The following DNAH8 variants were observed in gnomAD, a reference collection of about 807,000 sequenced individuals.
DNAH8 encodes axonemal beta dynein heavy chain 8.
DNAH8 carries 382 observed loss-of-function variants against 562.1 expected under a neutral mutation model. The observed-to-expected ratio is 0.68, with a 90% CI of 0.63 to 0.74. The LOEUF (loss-of-function observed/expected upper bound fraction) is 0.74, where lower values mean the gene tolerates loss of function less well. DNAH8 is among the 30% of genes least tolerant of loss of function. The pLI is 0.00. For missense variants in DNAH8, 5,203 were observed against 5,620.4 expected (o/e 0.93, Z 2.37); for synonymous variants, 1,881 against 1,919.4 (o/e 0.98, Z 0.52).
intron 21 of DNAH8, 81 bp downstream of exon 21, chr6:38,791,755 A>T (rs2127657751): frequency 1.4e-6 from 2 of 1,466,680 alleles, no homozygotes; most frequent in Middle Eastern, 1.8e-4. Flanking sequence ...CTAAAAGTAG[A>T]AACCTGGGTC....
At chr6:38,918,829 C>CCCAA (rs1475677375) in intron 70 of DNAH8, among the ~76,000 whole-genome samples, 1 of 152,032 alleles carries the variant, frequency 6.6e-6, no homozygotes, top group Non-Finnish European at 1.5e-5. Context: ...AATCTCCCAC[C>CCCAA]CCAACAAAGC....
At position 38,778,457 on chromosome 6, in the gene DNAH8, C is replaced by T. The variant is rs1768271344; in HGVS notation, c.2032C>T (p.Leu678Phe). Residue 678 changes from leucine (L) to phenylalanine (F), a missense_variant, in exon 14 of 93, where the codon CTT becomes TTT. Around this residue, in one of 6 missense-constraint regions of DNAH8, gnomAD observed 2,176 missense variants for 2,365.1 expected, o/e 0.92. Coordinates refer to ENST00000327475, the MANE Select transcript of DNAH8 (RefSeq NM_001206927.2). ...ILSSQQALQL[L>F]QRFQKLNIPC... ...ATCTTCTCAGCAGGCTCTTCAGCTA[C>T]TTCAAAGGTATTCATAACACTTTAA... is the stretch of plus-strand genomic sequence containing the variant. 1 of 1,583,234 alleles carries T rather than the reference C, an allele frequency of 6.3e-7. No homozygotes were observed. The highest frequency in any genetic ancestry group is 1.1e-5 in the South Asian group (1 of 89,102).
In DNAH8 at chr6:38,911,243, G is replaced by C. The variant is rs532238723; in HGVS notation, c.9741-225G>C. ...ATTCTTTTCTCTATTTTCCAGATGA[G>C]GAAACAGAGTTGGAGTTAAGGGTGA... On this transcript the variant is annotated intron_variant, in intron 65 of 92. Transcript: ENST00000327475. Among the ~76,000 whole-genome samples the C allele has an allele frequency of 2.0e-5, 3 of 152,306 alleles. No homozygotes were observed. The East Asian group carries it at 5.8e-4, about 29-fold the overall frequency.
Position 38,858,020 on chromosome 6 carries a change from G to A in DNAH8, c.5958+278G>A, listed in dbSNP as rs540640083. 5.3e-5 allele frequency among the ~76,000 whole-genome samples: 8 copies of A among 152,280 alleles called. No individual in the cohort carries two copies. The East Asian group carries it at 9.6e-4, about 18-fold the overall frequency. ...TAACCAGGAACATGATATAATTTAG[G>A]TCATAAGCTATGCTGGGTCGATTGG... On this transcript the variant is annotated intron_variant, in intron 42 of 92. Coordinates refer to ENST00000327475, the MANE Select transcript of DNAH8 (RefSeq NM_001206927.2).
intron 82 of DNAH8, among the ~76,000 whole-genome samples, chr6:38,958,126 C>CT (rs1464736486): frequency 1.3e-5 from 2 of 151,534 alleles, no homozygotes; most frequent in Non-Finnish European, 2.9e-5. Context: ...CTCAGCCTCC[C>CT]GAGTAGCTGG....
Position 38,929,556 on chromosome 6 carries a change from A to C in DNAH8, c.11164A>C (p.Ser3722Arg). 1 of 1,613,310 alleles carries C rather than the reference A, an allele frequency of 6.2e-7. No individual in the cohort carries two copies. The highest frequency in any genetic ancestry group is 8.5e-7 in the Non-Finnish European group (1 of 1,179,482). The change falls in exon 75 of 93, where the codon AGC (serine) becomes CGC (arginine). Residue 3722 changes from serine to arginine, a missense_variant. This residue lies in a region of DNAH8 where 1,399 missense variants were observed against 1,518.4 expected (regional missense o/e 0.92). Coordinates refer to ENST00000327475, the MANE Select transcript of DNAH8 (RefSeq NM_001206927.2). ...HKYFRTHLED[S>R]LSLGRPLLIE... ...ATATTTTCGCACACACTTGGAGGAC[A>C]GCCTTTCCTTGGGCCGACCCCTTCT...
chr6:38,914,532 A>T, intron 67 of DNAH8, among the ~76,000 whole-genome samples: 1 of 145,868 alleles, frequency 6.9e-6, no homozygotes, highest in Middle Eastern at 3.9e-3. Context: ...TTGTATTTTT[A>T]GTAGAGACGG....
chr6:38,979,155 C>T (rs1294298914), intron 85 of DNAH8, among the ~76,000 whole-genome samples: 2 of 152,238 alleles, frequency 1.3e-5, no homozygotes, highest in Non-Finnish European at 2.9e-5. Context: ...CTCTTCTCTC[C>T]TCCTTGTAAA....
intron 53 of DNAH8, among the ~76,000 whole-genome samples, chr6:38,881,614 C>A (rs956816165): frequency 6.7e-6 from 1 of 149,206 alleles, no homozygotes; most frequent in African/African-American, 2.5e-5. Flanking sequence ...TGCAATGGCG[C>A]GATCTTGGCT....
In DNAH8 at chr6:38,917,424, T is replaced by C; in HGVS notation, c.10308+18T>C. The C allele has an allele frequency of 6.2e-7, 1 of 1,607,880 alleles. No homozygotes were observed. The highest frequency in any genetic ancestry group is 8.5e-7 in the Non-Finnish European group (1 of 1,175,858). Reference sequence around the variant, plus strand: ...CATTAAAGGTAAGTAAAATCTATCATTGTCAATCCTATGAGCTGCATCAGG... The same window carrying C: ...CATTAAAGGTAAGTAAAATCTATCACTGTCAATCCTATGAGCTGCATCAGG... On this transcript the variant is annotated intron_variant, in intron 69 of 92. Coordinates refer to ENST00000327475, the MANE Select transcript of DNAH8 (RefSeq NM_001206927.2).
rs377254876 is a variant in DNAH8 at position 38,874,068 on chromosome 6, T to TTCTTTTTCTTTCTTTCTTTCTTTCTTTC, written c.7620+693_7620+694insCTTTTTCTTTCTTTCTTTCTTTCTTTCT. Among the ~76,000 whole-genome samples the TTCTTTTTCTTTCTTTCTTTCTTTCTTTC allele has an allele frequency of 1.6e-3, 94 of 57,076 alleles. 21 individuals are homozygous for TTCTTTTTCTTTCTTTCTTTCTTTCTTTC. The highest frequency in any genetic ancestry group is 2.8e-3 in the Non-Finnish European group (80 of 28,482). 37.4% of individuals were successfully genotyped at this position (57,076 alleles called of 152,430 possible). On this transcript the variant is annotated intron_variant, in intron 52 of 92. Transcript: ENST00000327475. ...TTTCTTTCTTTCTTTCTTTCTTTCT[T>TTCTTTTTCTTTCTTTCTTTCTTTCTTTC]TTTCTTTCTTTCTTTCTTTCTTTCT...
intron 10 of DNAH8, among the ~76,000 whole-genome samples, chr6:38,756,627 G>A (rs923413786): frequency 4.0e-5 from 6 of 151,468 alleles, no homozygotes; most frequent in East Asian, 3.9e-4. Flanking sequence ...CCATTAACTC[G>A]TCATTTAACA....
Position 38,842,820 on chromosome 6 carries a change from A to T in DNAH8, c.4762A>T (p.Thr1588Ser). 4 of 1,613,932 alleles carry T rather than the reference A, an allele frequency of 2.5e-6. No homozygotes were observed. Among genetic ancestry groups the T allele is most frequent in the Non-Finnish European group, 3.4e-6 (4 of 1,179,884 alleles). The stretch of plus-strand genomic sequence containing the variant: ...GGATAGAATCTCCGAGTTAACTGGA[A>T]CCCCATTTGATGTGGAATCTGATTC... ...HWDRISELTG[T>S]PFDVESDSFC... Residue 1588 changes from threonine (T) to serine (S), a missense_variant, in exon 35 of 93, where the codon ACC becomes TCC. Transcript: ENST00000327475.
In DNAH8 at chr6:38,951,319, T is replaced by A; in HGVS notation, c.12250T>A (p.Ser4084Thr). The A allele has an allele frequency of 6.2e-7, 1 of 1,613,882 alleles. No individual in the cohort carries two copies. Among genetic ancestry groups the A allele is most frequent in the Non-Finnish European group, 8.5e-7 (1 of 1,179,818 alleles). Residue 4084 changes from serine to threonine, a missense_variant and splice_region_variant, in exon 82 of 93, where the codon TCT becomes ACT. Ser to Thr is a moderately conservative substitution (Grantham distance 58). Coordinates refer to ENST00000327475, the MANE Select transcript of DNAH8 (RefSeq NM_001206927.2). Reference sequence around the variant, plus strand: ...CGCCTAACTTGTATTCATTTTTAGGTCTTGGTGCCCAGACCGTACTGTTTT... The same window carrying A: ...CGCCTAACTTGTATTCATTTTTAGGACTTGGTGCCCAGACCGTACTGTTTT... Reference protein sequence around the residue: ...DTCHKLLLIRSWCPDRTVFQA... With the variant: ...DTCHKLLLIRTWCPDRTVFQA...
At chr6:38,720,213 A>T (rs1762638411) in intron 1 of DNAH8, among the ~76,000 whole-genome samples, 1 of 152,176 alleles carries the variant, frequency 6.6e-6, no homozygotes, top group South Asian at 2.1e-4. Flanking sequence ...TCTTGCCTCA[A>T]ACCACAGGAA....
At position 38,814,109 on chromosome 6, in the gene DNAH8, C is replaced by A; in HGVS notation, c.3313C>A (p.His1105Asn). ...TATTTCCTTTATAAAAAGTGAAGTA[C>A]ATCTTGCAATTCCTAATGTGGTAAG... ...DIISFIKSEV[H>N]LAIPNVVMIP... is the part of the protein sequence containing the mutation. The change falls in exon 25 of 93, where the codon CAT (histidine) becomes AAT (asparagine). Residue 1105 changes from histidine (H) to asparagine (N), a missense_variant. This residue lies in a region of DNAH8 where 2,176 missense variants were observed against 2,365.1 expected (regional missense o/e 0.92). Transcript: ENST00000327475. 1 of 1,569,472 alleles carries A rather than the reference C, an allele frequency of 6.4e-7. No individual in the cohort carries two copies. The highest frequency in any genetic ancestry group is 8.8e-7 in the Non-Finnish European group (1 of 1,141,296).
intron 26 of DNAH8, among the ~76,000 whole-genome samples, chr6:38,819,800 C>A (rs1292963722): frequency 6.6e-6 from 1 of 151,992 alleles, no homozygotes; most frequent in Non-Finnish European, 1.5e-5. Flanking sequence ...GATCAACATA[C>A]AAAACCCCCA....
At chr6:38,841,572 C>T (rs1427563309) in intron 33 of DNAH8, among the ~76,000 whole-genome samples, 1 of 152,152 alleles carries the variant, frequency 6.6e-6, no homozygotes, top group Non-Finnish European at 1.5e-5. Context: ...TCCAGTAGAA[C>T]CTTATGGCAT....
intron 80 of DNAH8, among the ~76,000 whole-genome samples, chr6:38,946,154 A>C (rs1761402400): frequency 6.6e-6 from 1 of 152,154 alleles, no homozygotes; most frequent in South Asian, 2.1e-4. Context: ...GCTGTTTCTT[A>C]CTGGGTTCTG....
Sources: gnomAD v4.1 joint callset for allele counts (sites outside exome capture counted in the v4.1 genomes callset) on GRCh38, gnomAD v4.1.1 for gene constraint, gnomAD v4.1.1 regional missense constraint, MANE v1.5 for transcripts, NCBI Gene and HGNC (gene_info 2026-07-23, HGNC 2026-07-21) for gene names.